GLYR1: variants seen among roughly 807,000 people sequenced by gnomAD.
GLYR1 encodes cytokine-like nuclear factor N-PAC.
GLYR1 carries 21 observed loss-of-function variants against 72.7 expected under a neutral mutation model. That is an observed-to-expected ratio of 0.29 (90% CI 0.20 to 0.42). The LOEUF (loss-of-function observed/expected upper bound fraction) is 0.42, where lower values mean the gene tolerates loss of function less well. Ranked by LOEUF, GLYR1 falls within the 10% of genes least tolerant of loss-of-function variation. The pLI, the probability that GLYR1 is intolerant of heterozygous loss-of-function variation, is 1.00. For missense variants in GLYR1, 594 were observed against 712.1 expected (o/e 0.83, Z 1.89); for synonymous variants, 392 against 270.2 (o/e 1.45, Z -4.42).
At chr16:4,814,099 T>C (rs1337799385) in intron 11 of GLYR1, 2 of 388,968 alleles carry the variant, frequency 5.1e-6, no homozygotes, top group East Asian at 4.1e-5. Flanking sequence ...TTTAAAAGAA[T>C]AAACCTCAGC....
At chr16:4,844,374 G>C (rs1349276142) in intron 3 of GLYR1, among the ~76,000 whole-genome samples, 1 of 152,174 alleles carries the variant, frequency 6.6e-6, no homozygotes, top group South Asian at 2.1e-4. Flanking sequence ...GAACATGATT[G>C]AACAATTACT....
chr16:4,844,774 G>C (rs2085851540), intron 3 of GLYR1, among the ~76,000 whole-genome samples: 1 of 152,178 alleles, frequency 6.6e-6, no homozygotes, highest in African/African-American at 2.4e-5. Context: ...CAAACAAAAA[G>C]GAACTGCCTT....
At chr16:4,816,901 C>G (rs1414395062) in intron 10 of GLYR1, among the ~76,000 whole-genome samples, 1 of 150,932 alleles carries the variant, frequency 6.6e-6, no homozygotes, top group African/African-American at 2.4e-5. Context: ...GCAGGAGAAT[C>G]ACTTGAACCT....
chr16:4,828,090 G>A (rs1227705203), intron 5 of GLYR1, among the ~76,000 whole-genome samples: 1 of 150,962 alleles, frequency 6.6e-6, no homozygotes, highest in African/African-American at 2.4e-5. Context: ...ATTTTTTTGA[G>A]ATGGAGTCTC....
At chr16:4,821,928 A>T (rs1354861364) in intron 7 of GLYR1, among the ~76,000 whole-genome samples, 2 of 151,960 alleles carry the variant, frequency 1.3e-5, no homozygotes, top group African/African-American at 4.8e-5. Flanking sequence ...CCTTGGGAGG[A>T]CCTCCCTCTG....
chr16:4,843,450 C>T (rs1208345815), intron 3 of GLYR1: 37 of 1,223,630 alleles, frequency 3.0e-5, no homozygotes, highest in East Asian at 1.2e-4. Context: ...GCACCATGCC[C>T]GGCCAAATCT....
chr16:4,817,727 G>A (rs1390077051), intron 9 of GLYR1, 30 bp from the exon 10 acceptor site: 2 of 1,363,898 alleles, frequency 1.5e-6, no homozygotes, highest in Non-Finnish European at 1.1e-6. Flanking sequence ...ATGAGTTCAG[G>A]GTGGAAAGGG....
chr16:4,814,836 C>T (rs2083537169), intron 10 of GLYR1, among the ~76,000 whole-genome samples, 189 bp from the exon 11 acceptor site: 1 of 152,208 alleles, frequency 6.6e-6, no homozygotes, highest in South Asian at 2.1e-4. Flanking sequence ...TGGCCATCTT[C>T]AGTTTTTGCA....
intron 3 of GLYR1, among the ~76,000 whole-genome samples, chr16:4,837,504 G>A (rs1297290697): frequency 2.0e-5 from 3 of 151,948 alleles, no homozygotes; most frequent in African/African-American, 4.8e-5. Context: ...AATCTTGAAC[G>A]CTGTCACATG....
At chr16:4,835,268 T>C (rs930875615) in intron 3 of GLYR1, among the ~76,000 whole-genome samples, 1 of 152,184 alleles carries the variant, frequency 6.6e-6, no homozygotes, top group Non-Finnish European at 1.5e-5. Context: ...AGGATGTCTG[T>C]GAAGTGCCAA....
At position 4,805,101 on chromosome 16, in the gene GLYR1, C is replaced by T. The variant is rs534568859; in HGVS notation, c.*135G>A. ...GTGCTGCTGTGTGCTGTGCTGATGG[C>T]AAGTCTCAAAGTCTGTATAAAAGGA... On this transcript the variant is annotated 3_prime_UTR_variant, in exon 16 of 16. Transcript: ENST00000321919. The T allele has an allele frequency of 4.1e-5, 30 of 737,702 alleles. No individual in the cohort carries two copies. The African/African-American group carries it at 4.5e-4, about 11-fold the overall frequency. The allele number at this position is 737,702 out of a possible 1,614,324, so 45.7% of individuals were successfully genotyped here.
chr16:4,805,627 A>C (rs2082921317), intron 15 of GLYR1, among the ~76,000 whole-genome samples: 1 of 152,168 alleles, frequency 6.6e-6, no homozygotes, highest in Non-Finnish European at 1.5e-5. Context: ...GATCACCTGA[A>C]GTCAGGAGTT....
intron 9 of GLYR1, chr16:4,818,003 T>TC: frequency 1.8e-5 from 1 of 56,176 alleles, no homozygotes; most frequent in Non-Finnish European, 3.8e-5. Flanking sequence ...CTTGCTGCCC[T>TC]TTTTTTTTTT....
chr16:4,832,690 C>T lies in GLYR1; in HGVS notation c.294+84G>A, dbSNP rs190318253. 45 of 1,418,636 alleles carry T rather than the reference C, an allele frequency of 3.2e-5. No homozygotes were observed. The East Asian group carries it at 6.0e-4, about 19-fold the overall frequency. The allele number at this position is 1,418,636 out of a possible 1,614,324, so 87.9% of individuals were successfully genotyped here. On this transcript the variant is annotated intron_variant, in intron 4 of 15. Coordinates refer to ENST00000321919, the MANE Select transcript of GLYR1 (RefSeq NM_032569.4). The stretch of plus-strand genomic sequence containing the variant: ...AGCATTTCAGAAGAACAAAGGTTTG[C>T]GTTTGGGTGACATTTAATCTGTTAG...
In GLYR1 at chr16:4,826,650, G is replaced by A. The variant is rs544985057; in HGVS notation, c.538-2743C>T. The stretch of plus-strand genomic sequence containing the variant: ...GGGGGAAAAGAAAAGGCCCAGCCCA[G>A]AGCTGCCCAAAAGAATATTCTGCAA... On this transcript the variant is annotated intron_variant, in intron 5 of 15. Transcript: ENST00000321919. Among the ~76,000 whole-genome samples the A allele has an allele frequency of 7.9e-5, 12 of 152,318 alleles. No homozygotes were observed. In the South Asian group the frequency reaches 2.1e-3, roughly 26 times the overall value.
intron 15 of GLYR1, among the ~76,000 whole-genome samples, chr16:4,810,699 TAAAAAAAAAAAAAAA>T (rs551202037): frequency 0.06 from 1,311 of 21,844 alleles, 35 homozygotes; most frequent in Middle Eastern, 0.24. Flanking sequence ...CTGTCTCTAC[TAAAAAAAAAAAAAAA>T]AAAAAAAAAA....
rs756605784 is a variant in GLYR1, at chr16:4,823,881, G to A, written c.564C>T (p.Thr188=). 1.5e-5 allele frequency: 25 copies of A among 1,613,912 alleles called. No homozygotes were observed. The highest frequency in any genetic ancestry group is 1.2e-4 in the South Asian group (11 of 91,074). ...EKDLTIPESS[T]VKGMMAGPMA... is the part of the protein sequence containing the mutation. ...TCGGTCCGGCCATCATCCCCTTCACGGTACTAGACTCCGGGATGGTGAGAT... is the reference window on the plus strand; with the variant it reads ...TCGGTCCGGCCATCATCCCCTTCACAGTACTAGACTCCGGGATGGTGAGAT... The change falls in exon 6 of 16, where the codon ACC becomes ACT. Residue 188 remains threonine (T), a synonymous_variant. Coordinates refer to ENST00000321919, the MANE Select transcript of GLYR1 (RefSeq NM_032569.4).
intron 1 of GLYR1, 72 bp downstream of exon 1, chr16:4,847,156 C>T: frequency 1.4e-6 from 2 of 1,423,056 alleles, no homozygotes; most frequent in Admixed American, 1.9e-5. Flanking sequence ...AGCTCCAGGG[C>T]CGGCAGCGAA....
intron 7 of GLYR1, among the ~76,000 whole-genome samples, chr16:4,822,608 C>G (rs774702007): frequency 6.6e-5 from 10 of 152,182 alleles, no homozygotes; most frequent in Non-Finnish European, 1.3e-4. Context: ...TCAGACTGGT[C>G]TTGAATCCCT....
Sources: gnomAD v4.1 joint callset for allele counts (sites outside exome capture counted in the v4.1 genomes callset) on GRCh38, gnomAD v4.1.1 for gene constraint, MANE v1.5 for transcripts, NCBI Gene and HGNC (gene_info 2026-07-23, HGNC 2026-07-21) for gene names.